The following USP34 variants were observed in gnomAD, a reference collection of about 807,000 sequenced individuals.
USP34 encodes ubiquitin carboxyl-terminal hydrolase 34.
USP34 carries 70 observed loss-of-function variants against 460.3 expected under a neutral mutation model. That is an observed-to-expected ratio of 0.15 (90% CI 0.13 to 0.19). USP34 has a LOEUF of 0.19. Ranked by LOEUF, USP34 falls within the 10% of genes least tolerant of loss-of-function variation. The pLI is 1.00. For synonymous variants in USP34, 1,647 were observed against 1,405.3 expected, an observed-to-expected ratio of 1.17 and a Z score of -3.85; for missense variants, 3,985 against 4,236.2, an observed-to-expected ratio of 0.94 and a Z score of 1.65.
chr2:61,236,683 A>G (rs1688078839), intron 53 of USP34, among the ~76,000 whole-genome samples: 1 of 152,218 alleles, frequency 6.6e-6, no homozygotes, highest in East Asian at 1.9e-4. Flanking sequence ...ATATAATTGA[A>G]TGAAATATAA....
At chr2:61,399,321 C>A (rs975437634) in intron 3 of USP34, among the ~76,000 whole-genome samples, 19 of 143,322 alleles carry the variant, frequency 1.3e-4, no homozygotes, top group Middle Eastern at 3.8e-3. Context: ...CCAGCCTGGG[C>A]AACAGGATCA....
At chr2:61,231,482 T>C (rs532120035) in intron 58 of USP34, among the ~76,000 whole-genome samples, 1 of 152,192 alleles carries the variant, frequency 6.6e-6, no homozygotes, top group Admixed American at 6.5e-5. Flanking sequence ...GGAGGCTAAG[T>C]TGGGAGGACT....
chr2:61,227,421 A>G (rs1375828058), intron 61 of USP34, among the ~76,000 whole-genome samples: 2 of 152,202 alleles, frequency 1.3e-5, no homozygotes, highest in Non-Finnish European at 1.5e-5. Context: ...ACTGTAAAGA[A>G]TAACAATTCT....
intron 58 of USP34, among the ~76,000 whole-genome samples, chr2:61,230,020 G>T (rs760767779): frequency 4.0e-5 from 6 of 151,806 alleles, no homozygotes; most frequent in Admixed American, 6.6e-5. Flanking sequence ...AAGGAAATGT[G>T]AGGATTCTTT....
chr2:61,208,364 C>CA (rs1366234649), intron 70 of USP34: 1 of 152,226 alleles, frequency 6.6e-6, no homozygotes, highest in Non-Finnish European at 1.5e-5. Context: ...TTCCTACATA[C>CA]AGATTGATGT....
At chr2:61,389,192 G>C (rs564907817) in intron 5 of USP34, among the ~76,000 whole-genome samples, 1 of 152,268 alleles carries the variant, frequency 6.6e-6, no homozygotes, top group South Asian at 2.1e-4. Context: ...AGAAGAGATG[G>C]AATAGTTAGT....
chr2:61,281,043 G>A, intron 38 of USP34, 47 bp downstream of exon 38: 1 of 1,580,248 alleles, frequency 6.3e-7, no homozygotes, highest in Non-Finnish European at 8.6e-7. Context: ...CTGAGGCAAA[G>A]GAAATTTCAA....
Position 61,281,285 on chromosome 2 carries a change from T to C in USP34, c.4999-43A>G, listed in dbSNP as rs767045232. On this transcript the variant is annotated intron_variant, in intron 37 of 79. Coordinates refer to ENST00000398571, the MANE Select transcript of USP34 (RefSeq NM_014709.4). ...TTCCACAAACAGTGAGAGTTAGTAT[T>C]ACAAAGTTAATATGTTAGCAGAAAT... 1.2e-4 allele frequency: 195 copies of C among 1,585,914 alleles called. 2 individuals carry two copies. The highest frequency in any genetic ancestry group is 1.4e-4 in the Non-Finnish European group (165 of 1,165,542).
At chr2:61,211,699 A>G in intron 69 of USP34, 73 bp downstream of exon 69, 2 of 1,403,244 alleles carry the variant, frequency 1.4e-6, no homozygotes, top group Non-Finnish European at 9.3e-7. Context: ...TAAATGATTT[A>G]TCTTTAAACA....
chr2:61,298,591 T>C (rs1269379925), intron 29 of USP34, among the ~76,000 whole-genome samples: 1 of 111,612 alleles, frequency 9.0e-6, no homozygotes, highest in Non-Finnish European at 1.8e-5. Context: ...AACAATGAAA[T>C]GCTTTCCCTT....
chr2:61,360,953 C>T (rs1424935738), intron 10 of USP34, among the ~76,000 whole-genome samples: 1 of 152,206 alleles, frequency 6.6e-6, no homozygotes, highest in Non-Finnish European at 1.5e-5. Context: ...CGTGTGCCAC[C>T]ACACCCAGCC....
intron 1 of USP34, among the ~76,000 whole-genome samples, chr2:61,436,790 T>TA (rs775367168): frequency 2.0e-5 from 3 of 152,146 alleles, no homozygotes; most frequent in Admixed American, 6.6e-5. Flanking sequence ...TTTTAGGACA[T>TA]AAAACAAGTC....
At chr2:61,319,352 AC>A in intron 21 of USP34, 25 bp from the exon 22 acceptor site, 1 of 1,457,980 alleles carries the variant, frequency 6.9e-7, no homozygotes, top group Non-Finnish European at 9.1e-7. Flanking sequence ...TAAATTTTAT[AC>A]TTTATTAACT....
rs144049630 is a variant in USP34 at position 61,459,869 on chromosome 2, G to C, written c.43+10781C>G. On this transcript the variant is annotated intron_variant, in intron 1 of 79. Transcript: ENST00000398571. The stretch of plus-strand genomic sequence containing the variant: ...GAGGTCAGGAGATCAAGACCATCCT[G>C]ATTAACACGGTAAAACCCCATCTCT... Among the ~76,000 whole-genome samples the C allele has an allele frequency of 2.2e-3, 330 of 151,922 alleles. 1 individual carries two copies. The highest frequency in any genetic ancestry group is 7.7e-3 in the African/African-American group (320 of 41,440).
intron 78 of USP34, 71 bp downstream of exon 78, chr2:61,190,200 C>G: frequency 6.6e-7 from 1 of 1,509,666 alleles, no homozygotes; most frequent in South Asian, 1.3e-5. Context: ...AGAGTAAAAT[C>G]ATATGAAGGC....
At chr2:61,405,254 A>AAAG (rs1553384298) in intron 3 of USP34, among the ~76,000 whole-genome samples, 34 of 97,392 alleles carry the variant, frequency 3.5e-4, no homozygotes, top group Non-Finnish European at 4.7e-4. Context: ...AAAAAAAAAA[A>AAAG]AAAGAAAGAA....
chr2:61,288,266 T>C (rs78390974), intron 34 of USP34, among the ~76,000 whole-genome samples: 1 of 152,202 alleles, frequency 6.6e-6, no homozygotes, highest in Non-Finnish European at 1.5e-5. Context: ...CCACAAGATC[T>C]AGGGGTGATA....
intron 1 of USP34, among the ~76,000 whole-genome samples, chr2:61,422,526 A>C (rs1029949029): frequency 5.2e-4 from 79 of 152,328 alleles, no homozygotes; most frequent in Non-Finnish European, 6.2e-4. Context: ...ATCATACTCA[A>C]AGGTGAAAGC....
chr2:61,356,607 G>A (rs943380303), intron 10 of USP34, among the ~76,000 whole-genome samples: 2 of 152,254 alleles, frequency 1.3e-5, no homozygotes, highest in Admixed American at 1.3e-4. Context: ...AAATAAGCCA[G>A]TCACAAAAGG....
Sources: allele counts gnomAD v4.1 joint callset (sites outside exome capture counted in the v4.1 genomes callset), GRCh38; gene constraint gnomAD v4.1.1; transcripts MANE v1.5; gene names NCBI Gene and HGNC (gene_info 2026-07-23, HGNC 2026-07-21).